TFEC: variants seen among roughly 807,000 people sequenced by gnomAD.
TFEC encodes the protein class E basic helix-loop-helix protein 34.
In TFEC, 31 loss-of-function variants were observed where a neutral mutation model predicts 41.6. The observed-to-expected ratio is 0.74, with a 90% confidence interval of 0.56 to 1.01. TFEC has a LOEUF of 1.01. Among genes scored for constraint, TFEC ranks in the 50% least tolerant of loss-of-function variants. TFEC has a pLI of 0.00. For synonymous variants in TFEC, 143 were observed against 140.6 expected, an observed-to-expected ratio of 1.02 and a Z score of -0.12; for missense variants, 402 against 404.1, an observed-to-expected ratio of 0.99 and a Z score of 0.04.
At chr7:116,074,098 T>G (rs1314774020) in intron 3 of TFEC, among the ~76,000 whole-genome samples, 5 of 151,832 alleles carry the variant, frequency 3.3e-5, no homozygotes, top group Non-Finnish European at 7.4e-5. Flanking sequence ...TCATAAGATC[T>G]AAAACTATAA....
intron 1 of TFEC, among the ~76,000 whole-genome samples, chr7:116,030,105 C>T (rs148934613): frequency 1.3e-5 from 2 of 152,034 alleles, no homozygotes; most frequent in Non-Finnish European, 2.9e-5. Context: ...ACATCTTCTA[C>T]ACAAGCTATT....
intron 3 of TFEC, among the ~76,000 whole-genome samples, chr7:116,073,270 T>C (rs748456442): frequency 1.3e-5 from 2 of 151,700 alleles, no homozygotes; most frequent in Admixed American, 6.6e-5. Context: ...TGGAAATAAA[T>C]TTAGCAAAAG....
chr7:116,028,270 T>C (rs2130880917), intron 1 of TFEC, among the ~76,000 whole-genome samples: 1 of 152,310 alleles, frequency 6.6e-6, no homozygotes, highest in South Asian at 2.1e-4. Context: ...TAAGCTCTCA[T>C]AGGCAAAGTA....
At chr7:115,945,878 T>C (rs1331294528) in intron 6 of TFEC, among the ~76,000 whole-genome samples, 1 of 151,736 alleles carries the variant, frequency 6.6e-6, no homozygotes. Flanking sequence ...ATTCATTCCA[T>C]GTTGTCTGTG....
At chr7:115,968,349 C>T (rs1792969401) in intron 3 of TFEC, 2 of 1,433,750 alleles carry the variant, frequency 1.4e-6, no homozygotes, top group South Asian at 3.1e-5. Context: ...TAAGACTAAT[C>T]TTGTCTAGAT....
intron 6 of TFEC, 41 bp downstream of exon 6, chr7:115,950,833 T>A: frequency 6.7e-7 from 1 of 1,500,304 alleles, no homozygotes; most frequent in Non-Finnish European, 9.1e-7. Flanking sequence ...TTGGGGGTCT[T>A]TAAATTATAA....
intron 1 of TFEC, among the ~76,000 whole-genome samples, chr7:115,999,354 AAAG>A (rs1216623715): frequency 3.3e-5 from 5 of 152,028 alleles, no homozygotes; most frequent in African/African-American, 1.2e-4. Flanking sequence ...TACTAAGAGG[AAAG>A]TTTATGGGTA....
chr7:116,101,909 C>T (rs1484778474), intron 3 of TFEC, among the ~76,000 whole-genome samples: 2 of 152,114 alleles, frequency 1.3e-5, no homozygotes, highest in East Asian at 3.9e-4. Flanking sequence ...TATGTTGGAG[C>T]TGATTCAAAG....
In TFEC at chr7:116,019,735, T is replaced by C. The variant is rs564636808; in HGVS notation, c.-73+10898A>G. ...AACAAATAAGACACCCATACAGTAT[T>C]TTGCTATTTACAGAGCACTTTCTTA... is the stretch of plus-strand genomic sequence containing the variant. On this transcript the variant is annotated intron_variant, in intron 1 of 7. Coordinates refer to ENST00000265440, the MANE Select transcript of TFEC (RefSeq NM_012252.4). Among the ~76,000 whole-genome samples, 14 of 152,276 alleles carry C rather than the reference T, an allele frequency of 9.2e-5. No individual in the cohort carries two copies. The South Asian group carries it at 2.9e-3, about 32-fold the overall frequency.
chr7:116,063,344 C>T (rs751508334), intron 3 of TFEC, among the ~76,000 whole-genome samples: 30 of 152,022 alleles, frequency 2.0e-4, no homozygotes, highest in African/African-American at 6.8e-4. Flanking sequence ...TGGCTGGGCG[C>T]GGTGGCTCAC....
intron 1 of TFEC, among the ~76,000 whole-genome samples, chr7:115,995,361 A>G (rs1794319988): frequency 6.6e-6 from 1 of 152,106 alleles, no homozygotes; most frequent in Admixed American, 6.6e-5. Context: ...AACAAAAATA[A>G]AATAATAAGG....
chr7:115,977,567 A>G (rs1181616405), intron 2 of TFEC, among the ~76,000 whole-genome samples: 1 of 152,022 alleles, frequency 6.6e-6, no homozygotes, highest in African/African-American at 2.4e-5. Flanking sequence ...AGAAACTTTA[A>G]GGCAAAAATA....
chr7:116,018,349 T>G (rs970939888), intron 1 of TFEC, among the ~76,000 whole-genome samples: 4 of 152,228 alleles, frequency 2.6e-5, no homozygotes, highest in African/African-American at 7.2e-5. Context: ...AGAGAAATTT[T>G]GGGGACTTCA....
At chr7:116,152,331 G>A (rs1798778943) in intron 1 of TFEC, among the ~76,000 whole-genome samples, 1 of 152,214 alleles carries the variant, frequency 6.6e-6, no homozygotes, top group South Asian at 2.1e-4. Context: ...TCTAAACAGA[G>A]TCCAGTGTTC....
At chr7:116,033,975 C>T (rs529036098), upstream of TFEC, among the ~76,000 whole-genome samples, 52 of 152,272 alleles carry the variant, frequency 3.4e-4, no homozygotes, top group Admixed American at 2.6e-3. Flanking sequence ...CATAACTGAC[C>T]TTGTCAGGAC....
intron 1 of TFEC, among the ~76,000 whole-genome samples, chr7:116,122,505 C>A (rs1037174506): frequency 6.6e-6 from 1 of 152,104 alleles, no homozygotes. Context: ...GGGACCAAGA[C>A]ATCTCTTCCC....
intron 3 of TFEC, among the ~76,000 whole-genome samples, chr7:116,066,075 T>A (rs1796688265): frequency 6.6e-6 from 1 of 152,204 alleles, no homozygotes; most frequent in Non-Finnish European, 1.5e-5. Context: ...GCAAAGCCCA[T>A]TACAGACTTG....
At position 116,117,882 on chromosome 7, in the gene TFEC, T is replaced by C. The variant is rs553646360; in HGVS notation, c.-68-5844A>G. Among the ~76,000 whole-genome samples the C allele has an allele frequency of 3.8e-4, 57 of 151,950 alleles. 1 individual carries two copies. Among genetic ancestry groups the C allele is most frequent in the African/African-American group, 3.9e-4 (16 of 41,506 alleles). ...GCAAGATTCTGTATAGGCAAGAACA[T>C]TGCTCTAAAATATGGTAAATTTCCT... On this transcript the variant is annotated intron_variant, in intron 1 of 8. Transcript: ENST00000484212.
chr7:116,044,981 T>A (rs1184773326), intron 3 of TFEC, among the ~76,000 whole-genome samples: 1 of 152,210 alleles, frequency 6.6e-6, no homozygotes, highest in African/African-American at 2.4e-5. Flanking sequence ...ATCCAATGCA[T>A]CCCAGTGGGT....
Sources: allele counts gnomAD v4.1 joint callset (sites outside exome capture counted in the v4.1 genomes callset), GRCh38; gene constraint gnomAD v4.1.1; transcripts MANE v1.5; gene names NCBI Gene and HGNC (gene_info 2026-07-23, HGNC 2026-07-21).